Variants in ZFP69 observed in about 807,000 individuals in gnomAD.
ZFP69 encodes zinc finger protein 69 homolog.
In ZFP69, 35 loss-of-function variants were observed where a neutral mutation model predicts 48.9. The observed-to-expected ratio is 0.72, with a 90% CI of 0.55 to 0.95. The LOEUF (loss-of-function observed/expected upper bound fraction) is 0.95. ZFP69 is among the 40% of genes least tolerant of loss of function. ZFP69 has a pLI of 0.00. For missense variants in ZFP69, 557 were observed against 638.4 expected, an observed-to-expected ratio of 0.87 and a Z score of 1.37; for synonymous variants, 193 against 216.8, an observed-to-expected ratio of 0.89 and a Z score of 0.96.
chr1:40,481,934 G>A (rs1456591032), intron 3 of ZFP69, 80 bp downstream of exon 3: 1 of 1,035,728 alleles, frequency 9.7e-7, no homozygotes, highest in Admixed American at 2.1e-5. Flanking sequence ...TTGCAGAGGT[G>A]GGAGTGGTGG....
At position 40,496,074 on chromosome 1, in the gene ZFP69, CTT is replaced by C. The variant is rs778064916; in HGVS notation, c.*16_*17del. 4 of 1,540,826 alleles carry C rather than the reference CTT, an allele frequency of 2.6e-6. No homozygotes were observed. The highest frequency in any genetic ancestry group is 2.6e-6 in the Non-Finnish European group (3 of 1,146,788). On this transcript the variant is annotated 3_prime_UTR_variant, in exon 6 of 6. Transcript: ENST00000372706. ...ATAAGGTGTAAAAACAGATATTTGACTTGAGAACAAAAGCCAAGTGTAAATTG... is the reference window on the plus strand; with the variant it reads ...ATAAGGTGTAAAAACAGATATTTGACGAGAACAAAAGCCAAGTGTAAATTG...
chr1:40,481,763 C>T lies in ZFP69; in HGVS notation c.128C>T (p.Ala43Val), dbSNP rs538146379. 19 of 1,604,648 alleles carry T rather than the reference C, an allele frequency of 1.2e-5. No individual in the cohort carries two copies. The South Asian group carries it at 2.0e-4, about 17-fold the overall frequency. The change falls in exon 3 of 6, where the codon GCT (alanine) becomes GTT (valine). Residue 43 changes from alanine (A) to valine (V), a missense_variant and splice_region_variant. Transcript: ENST00000372706. The stretch of plus-strand genomic sequence containing the variant: ...GCTCATGGCTCTTTTCCTTCCCCAG[C>T]TCTGCTGTCTCAGGATGCTGAGGAC... ...EDVTKMFEGE[A>V]LLSQDAEDVK...
At chr1:40,483,972 C>T (rs947343758) in intron 3 of ZFP69, among the ~76,000 whole-genome samples, 2 of 152,004 alleles carry the variant, frequency 1.3e-5, no homozygotes, top group African/African-American at 2.4e-5. Flanking sequence ...GCTACTCTGG[C>T]GGCTGAGGCA....
rs1645400267 is a variant in ZFP69 at position 40,477,483 on chromosome 1, C to CG, written c.-738_-737insG. ...GCTGGGTGGGCTTGGCTGCAGCCGC[C>CG]AGCCCCGTGTTAAAGCGGCAGCCAG... On this transcript the variant is annotated 5_prime_UTR_variant, in exon 1 of 6. Coordinates refer to ENST00000372706, the MANE Select transcript of ZFP69 (RefSeq NM_001320179.2). The surrounding 1 kb of genome is among the most constrained non-coding windows in gnomAD (Gnocchi z 4.0). The CG allele has an allele frequency of 1.3e-5, 2 of 152,156 alleles. No homozygotes were observed. The highest frequency in any genetic ancestry group is 2.9e-5 in the Non-Finnish European group (2 of 68,044). 9.4% of individuals were successfully genotyped at this position (152,156 alleles called of 1,614,324 possible). A position where few individuals can be genotyped will look rare whatever the true frequency, so the allele number is the denominator to read the frequency against.
chr1:40,494,821 A>G, intron 5 of ZFP69, 100 bp from the exon 6 acceptor site: 4 of 1,028,704 alleles, frequency 3.9e-6, no homozygotes, highest in African/African-American at 1.6e-5. Context: ...ATATTTAAAT[A>G]TAGTCAAAAT....
rs753269026 is a variant in ZFP69 at position 40,494,949 on chromosome 1, G to A, written c.471G>A (p.Glu157=). Residue 157 remains glutamate, a synonymous_variant, in exon 6 of 6, where the codon GAG becomes GAA. Coordinates refer to ENST00000372706, the MANE Select transcript of ZFP69 (RefSeq NM_001320179.2). The part of the protein sequence containing the change: ...SDLKSKIETI[E]STAKSTISQE... ...TGAAGAGTAAAATAGAAACCATTGA[G>A]TCAACTGCAAAGAGTACCATTTCAC... The A allele has an allele frequency of 1.9e-6, 3 of 1,611,424 alleles. No homozygotes were observed. The South Asian group carries it at 3.3e-5, about 18-fold the overall frequency.
chr1:40,481,882 G>T, intron 3 of ZFP69, 28 bp downstream of exon 3: 1 of 1,559,342 alleles, frequency 6.4e-7, no homozygotes, highest in South Asian at 1.1e-5. Flanking sequence ...TCATTTTCTT[G>T]ACATTGCTTC....
chr1:40,480,217 A>C (rs1645429591), intron 2 of ZFP69, among the ~76,000 whole-genome samples: 1 of 152,190 alleles, frequency 6.6e-6, no homozygotes, highest in African/African-American at 2.4e-5. Flanking sequence ...AAGCAGCCTA[A>C]GAAAAGTTAT....
chr1:40,482,555 C>T (rs1645453141), intron 3 of ZFP69, among the ~76,000 whole-genome samples: 1 of 151,954 alleles, frequency 6.6e-6, no homozygotes, highest in Admixed American at 6.6e-5. Flanking sequence ...AACTGGAGTG[C>T]TGAAATTAGA....
In ZFP69 at chr1:40,481,772, CT is replaced by C; in HGVS notation, c.138del (p.Gln47ArgfsTer6). On this transcript the variant is annotated frameshift_variant, in exon 3 of 6. Coordinates refer to ENST00000372706, the MANE Select transcript of ZFP69 (RefSeq NM_001320179.2). LOFTEE classifies it high-confidence loss of function. ...TKMFEGEALL[S>X]QDAEDVKTQR... ...TCTTTTCCTTCCCCAGCTCTGCTGTCTCAGGATGCTGAGGACGTAAAGACCC... is the reference window on the plus strand; with the variant it reads ...TCTTTTCCTTCCCCAGCTCTGCTGTCCAGGATGCTGAGGACGTAAAGACCC... 2 of 1,610,658 alleles carry C rather than the reference CT, an allele frequency of 1.2e-6. No homozygotes were observed. The highest frequency in any genetic ancestry group is 2.2e-5 in the South Asian group (2 of 90,674).
intron 3 of ZFP69, among the ~76,000 whole-genome samples, chr1:40,483,083 G>A (rs1645458545): frequency 6.6e-6 from 1 of 151,914 alleles, no homozygotes; most frequent in Admixed American, 6.6e-5. Flanking sequence ...GGGTGGGGTG[G>A]AATAAACTGG....
chr1:40,477,815 A>C lies in ZFP69; in HGVS notation c.-406A>C, dbSNP rs1258832111. The C allele has an allele frequency of 6.6e-6, 1 of 152,190 alleles. No homozygotes were observed. Among genetic ancestry groups the C allele is most frequent in the Non-Finnish European group, 1.5e-5 (1 of 68,122 alleles). 9.4% of individuals were successfully genotyped at this position (152,190 alleles called of 1,614,324 possible). A position where few individuals can be genotyped will look rare whatever the true frequency, so the allele number is the denominator to read the frequency against. ...CCACTCAGTCCGTCTCTAAAGAGAC[A>C]CTCTTTACCGCTGAAAACCTCAAGA... On this transcript the variant is annotated 5_prime_UTR_variant, in exon 1 of 6. Coordinates refer to ENST00000372706, the MANE Select transcript of ZFP69 (RefSeq NM_001320179.2). The surrounding 1 kb of genome is among the most constrained non-coding windows in gnomAD (Gnocchi z 4.0).
intron 1 of ZFP69, among the ~76,000 whole-genome samples, chr1:40,478,122 T>TCACACACACACA (rs5773698): frequency 0.089 from 13,114 of 147,124 alleles, 708 homozygotes; most frequent in South Asian, 0.14. Context: ...CTGCATATAG[T>TCACACACACACA]CACACACACA....
Position 40,495,814 on chromosome 1 carries a change from A to G in ZFP69, c.1336A>G (p.Lys446Glu), listed in dbSNP as rs372043105. Residue 446 changes from lysine to glutamate, a missense_variant, in exon 6 of 6, where the codon AAA becomes GAA. Transcript: ENST00000372706. ...ERPYKCKECG[K>E]AFRQRIHLSN... is the part of the protein sequence containing the mutation. ...ACCCTACAAATGTAAAGAATGTGGA[A>G]AAGCCTTTAGGCAGAGGATACACCT... 2 of 1,614,116 alleles carry G rather than the reference A, an allele frequency of 1.2e-6. No homozygotes were observed. The highest frequency in any genetic ancestry group is 2.7e-5 in the African/African-American group (2 of 74,956).
chr1:40,482,678 CA>C (rs1296587696), intron 3 of ZFP69, among the ~76,000 whole-genome samples: 3 of 151,794 alleles, frequency 2.0e-5, no homozygotes, highest in African/African-American at 4.8e-5. Flanking sequence ...CTATACCGTA[CA>C]AACAATAATT....
chr1:40,478,685 C>A (rs1441365361), intron 1 of ZFP69, among the ~76,000 whole-genome samples: 1 of 152,146 alleles, frequency 6.6e-6, no homozygotes, highest in Non-Finnish European at 1.5e-5. Flanking sequence ...TCTCAACCAA[C>A]ATTACAACTC....
Position 40,489,169 on chromosome 1 carries a change from T to C in ZFP69, c.301T>C (p.Tyr101His). The change falls in exon 4 of 6, where the codon TAC becomes CAC. Residue 101 changes from tyrosine (Y) to histidine (H), a missense_variant. Coordinates refer to ENST00000372706, the MANE Select transcript of ZFP69 (RefSeq NM_001320179.2). ...GQLAPAHQNL[Y>H]REVMLENYSN... ...GCTGGCTCCTGCTCACCAGAATCTATACCGAGAGGTGATGCTGGAGAACTA... is the reference window on the plus strand; with the variant it reads ...GCTGGCTCCTGCTCACCAGAATCTACACCGAGAGGTGATGCTGGAGAACTA... 6.2e-7 allele frequency: 1 copy of C among 1,614,054 alleles called. No individual in the cohort carries two copies. The highest frequency in any genetic ancestry group is 8.5e-7 in the Non-Finnish European group (1 of 1,179,924).
chr1:40,489,549 A>G lies in ZFP69; in HGVS notation c.367A>G (p.Ser123Gly). ...VSVGYQLSKP[S>G]VISQLEKGEE... ...AGCAGGATATCAACTTTCCAAACCT[A>G]GTGTGATATCCCAGTTAGAGAAAGG... is the stretch of plus-strand genomic sequence containing the variant. The change falls in exon 5 of 6, where the codon AGT becomes GGT. Residue 123 changes from serine (S) to glycine (G), a missense_variant. By Grantham distance (56) the Ser-to-Gly change is moderately conservative (BLOSUM62 0). Coordinates refer to ENST00000372706, the MANE Select transcript of ZFP69 (RefSeq NM_001320179.2). 6.2e-7 allele frequency: 1 copy of G among 1,612,908 alleles called. No homozygotes were observed. Among genetic ancestry groups the G allele is most frequent in the African/African-American group, 1.3e-5 (1 of 74,868 alleles).
At chr1:40,491,258 T>C (rs1041161824) in intron 5 of ZFP69, 3 of 152,228 alleles carry the variant, frequency 2.0e-5, no homozygotes, top group African/African-American at 7.2e-5. Context: ...TCTTATTCAT[T>C]TTCCTGTTGA....
Sources: allele counts gnomAD v4.1 joint callset (sites outside exome capture counted in the v4.1 genomes callset), GRCh38; gene constraint gnomAD v4.1.1; non-coding constraint Gnocchi (gnomAD v3.1); transcripts MANE v1.5; gene names NCBI Gene and HGNC (gene_info 2026-07-23, HGNC 2026-07-21).